The following SNX21 variants were observed in gnomAD, a reference collection of about 807,000 sequenced individuals.
SNX21 encodes the protein sorting nexin-21.
In SNX21, 36 loss-of-function variants were observed where a neutral mutation model predicts 30.9. That is an observed-to-expected ratio of 1.16 (90% confidence interval 0.89 to 1.54). The LOEUF is 1.54. Among genes scored for constraint, SNX21 ranks in the 40% most tolerant of loss-of-function variants. The probability of loss-of-function intolerance (pLI) is 0.00; values close to 1 mark genes in which losing one functional copy is unlikely to be tolerated. For missense variants in SNX21, 508 were observed against 516.5 expected, an observed-to-expected ratio of 0.98 and a Z score of 0.16; for synonymous variants, 218 against 222.7, an observed-to-expected ratio of 0.98 and a Z score of 0.19.
chr20:45,840,031 ACC>A (rs1222848606), intron 3 of SNX21: 1 of 504,496 alleles, frequency 2.0e-6, no homozygotes, highest in African/African-American at 2.1e-5. Context: ...CACTGACTTG[ACC>A]GAGCACTTCC....
chr20:45,839,320 C>T (rs535127194), intron 3 of SNX21, among the ~76,000 whole-genome samples: 4 of 152,078 alleles, frequency 2.6e-5, no homozygotes, highest in South Asian at 2.1e-4. Context: ...TCGAGACCAT[C>T]CTGGCTAACA....
Position 45,835,134 on chromosome 20 carries a change from A to AC in SNX21, c.447+22dup, listed in dbSNP as rs767492266. ...AGTACGTGGTGAGTGAGGGTCTAGAACCCCTGGGCTGTGAGTCCAGAAGTA... is the reference window on the plus strand; with the variant it reads ...AGTACGTGGTGAGTGAGGGTCTAGAACCCCCTGGGCTGTGAGTCCAGAAGTA... On this transcript the variant is annotated intron_variant, in intron 3 of 3. Transcript: ENST00000491381. 23 of 1,599,398 alleles carry AC rather than the reference A, an allele frequency of 1.4e-5. No individual in the cohort carries two copies. The highest frequency in any genetic ancestry group is 5.1e-5 in the Admixed American group (3 of 58,534).
chr20:45,836,549 G>A (rs1412577979), intron 3 of SNX21, among the ~76,000 whole-genome samples: 1 of 148,496 alleles, frequency 6.7e-6, no homozygotes, highest in Non-Finnish European at 1.5e-5. Context: ...TGTCACTCAG[G>A]CTGGAGTGCA....
At chr20:45,840,420 T>C in intron 3 of SNX21, 1 of 1,614,216 alleles carries the variant, frequency 6.2e-7, no homozygotes, top group South Asian at 1.1e-5. Flanking sequence ...TTCTCTCTTC[T>C]TGCTGCCTTG....
Position 45,842,514 on chromosome 20 carries a change from A to C in SNX21, c.*1201A>C. 1 of 1,015,866 alleles carries C rather than the reference A, an allele frequency of 9.8e-7. No homozygotes were observed. Among genetic ancestry groups the C allele is most frequent in the Non-Finnish European group, 1.2e-6 (1 of 848,568 alleles). The allele number at this position is 1,015,866 out of a possible 1,614,324, so 62.9% of individuals were successfully genotyped here. On this transcript the variant is annotated 3_prime_UTR_variant, in exon 4 of 4. Transcript: ENST00000491381. ...CCACTACCACCACCAAGGGGAAGAAAGGACTCAGAAGAGAGGACTTGAGGC... is the reference window on the plus strand; with the variant it reads ...CCACTACCACCACCAAGGGGAAGAACGGACTCAGAAGAGAGGACTTGAGGC...
At position 45,834,291 on chromosome 20, in the gene SNX21, C is replaced by A; in HGVS notation, c.112C>A (p.Gln38Lys). The A allele has an allele frequency of 6.3e-7, 1 of 1,593,294 alleles. No homozygotes were observed. The highest frequency in any genetic ancestry group is 8.5e-7 in the Non-Finnish European group (1 of 1,175,948). ...GGCGGCGGCCAGTCCAGAGGCCGAG[C>A]AGTTTCCGGAGAGCTCAGAGCTGGA... ...GEAAASPEAE[Q>K]FPESSELEDD... Residue 38 changes from glutamine to lysine, a missense_variant, in exon 2 of 4, where the codon CAG becomes AAG. Coordinates refer to ENST00000491381, the MANE Select transcript of SNX21 (RefSeq NM_033421.4).
Position 45,841,700 on chromosome 20 carries a change from G to A in SNX21, c.*387G>A, listed in dbSNP as rs571234709. 22 of 1,432,888 alleles carry A rather than the reference G, an allele frequency of 1.5e-5. No individual in the cohort carries two copies. The African/African-American group carries it at 2.9e-4, about 19-fold the overall frequency. The allele number at this position is 1,432,888 out of a possible 1,614,324, so 88.8% of individuals were successfully genotyped here. The stretch of plus-strand genomic sequence containing the variant: ...AAGGCAAGGCTGCAGGTCTGGCCCA[G>A]GGGAATTAAAAGCCAGCCACTCCAG... On this transcript the variant is annotated 3_prime_UTR_variant, in exon 4 of 4. Transcript: ENST00000491381.
chr20:45,839,281 A>T (rs533393292), intron 3 of SNX21, among the ~76,000 whole-genome samples: 10 of 152,070 alleles, frequency 6.6e-5, no homozygotes, highest in Non-Finnish European at 2.9e-5. Flanking sequence ...TCTGGGAGGC[A>T]AAGGCGGGCG....
chr20:45,839,173 G>C (rs576277879), intron 3 of SNX21, among the ~76,000 whole-genome samples: 26 of 152,122 alleles, frequency 1.7e-4, no homozygotes, highest in Non-Finnish European at 3.7e-4. Flanking sequence ...GATTACAGGT[G>C]TGTGTGTGAG....
chr20:45,839,311 C>T (rs374681507), intron 3 of SNX21, among the ~76,000 whole-genome samples: 29 of 152,126 alleles, frequency 1.9e-4, no homozygotes, highest in South Asian at 6.2e-4. Context: ...GTCAGGAGAT[C>T]GAGACCATCC....
chr20:45,836,042 C>T (rs1601067388), intron 3 of SNX21, among the ~76,000 whole-genome samples: 1 of 152,238 alleles, frequency 6.6e-6, no homozygotes, highest in African/African-American at 2.4e-5. Flanking sequence ...CTCCTCTTCA[C>T]CACCCTTCTC....
At chr20:45,839,721 C>G (rs1001347726) in intron 3 of SNX21, among the ~76,000 whole-genome samples, 3 of 150,870 alleles carry the variant, frequency 2.0e-5, no homozygotes, top group Admixed American at 1.3e-4. Context: ...GAGACCCCCC[C>G]TCATCTCCAT....
At chr20:45,840,296 G>T (rs1364485642) in intron 3 of SNX21, 3 of 1,538,788 alleles carry the variant, frequency 1.9e-6, no homozygotes, top group Non-Finnish European at 2.6e-6. Context: ...ATTGGCTGGG[G>T]TTTCAGCTTA....
At chr20:45,838,251 C>T (rs1310544812) in intron 3 of SNX21, 1 of 150,124 alleles carries the variant, frequency 6.7e-6, no homozygotes, top group Non-Finnish European at 1.5e-5. Flanking sequence ...TTTTCTTTTT[C>T]TTTTTCTTTT....
rs779486632 is a variant in SNX21, at chr20:45,834,971, C to A, written c.302C>A (p.Pro101Gln). Reference sequence around the variant, plus strand: ...CATGTGTCTGCAGAACGGAGCCCCCCACCTGATGGGCAGTGGGGCAGTCAG... The same window carrying A: ...CATGTGTCTGCAGAACGGAGCCCCCAACCTGATGGGCAGTGGGGCAGTCAG... Reference protein sequence around the residue: ...TSGEDAERSPPPDGQWGSQLL... With the variant: ...TSGEDAERSPQPDGQWGSQLL... The change falls in exon 3 of 4, where the codon CCA (proline) becomes CAA (glutamine). Residue 101 changes from proline to glutamine, a missense_variant. Physicochemically the swap from Pro to Gln is moderately conservative, Grantham distance 76. Coordinates refer to ENST00000491381, the MANE Select transcript of SNX21 (RefSeq NM_033421.4). 1 of 1,613,806 alleles carries A rather than the reference C, an allele frequency of 6.2e-7. No individual in the cohort carries two copies. Among genetic ancestry groups the A allele is most frequent in the Non-Finnish European group, 8.5e-7 (1 of 1,179,866 alleles).
chr20:45,835,443 A>G (rs1983450809), intron 3 of SNX21, among the ~76,000 whole-genome samples: 1 of 152,172 alleles, frequency 6.6e-6, no homozygotes, highest in South Asian at 2.1e-4. Context: ...GACAGATGTT[A>G]TCTGGGTCAA....
rs1200494727 is a variant in SNX21, at chr20:45,843,070, T to C, written c.*1757T>C. On this transcript the variant is annotated 3_prime_UTR_variant, in exon 4 of 4. Transcript: ENST00000491381. ...ACTTAGAGAACTTAAAAATACAGTT[T>C]CCTGGACCTTATCCAAGACCTACTG... 6 of 1,160,206 alleles carry C rather than the reference T, an allele frequency of 5.2e-6. No individual in the cohort carries two copies. The highest frequency in any genetic ancestry group is 4.8e-5 in the African/African-American group (3 of 62,034). 71.9% of individuals were successfully genotyped at this position (1,160,206 alleles called of 1,614,324 possible).
chr20:45,834,916 C>T (rs763106573), intron 2 of SNX21, 43 bp from the exon 3 acceptor site: 6 of 1,592,288 alleles, frequency 3.8e-6, no homozygotes, highest in Admixed American at 1.7e-5. Context: ...TGATGTCGAC[C>T]CTGGCCCTAG....
chr20:45,841,102 C>T lies in SNX21; in HGVS notation c.911C>T (p.Ala304Val). 2 of 1,609,508 alleles carry T rather than the reference C, an allele frequency of 1.2e-6. No individual in the cohort carries two copies. Among genetic ancestry groups the T allele is most frequent in the Non-Finnish European group, 1.7e-6 (2 of 1,178,450 alleles). The change falls in exon 4 of 4, where the codon GCA becomes GTA. Residue 304 changes from alanine (A) to valine (V), a missense_variant. Transcript: ENST00000491381. ...CTGGAAGACCCTGGAGAGGCCCGGG[C>T]ATGCTGTGAGAAGGCCCTGCAGCTG... ...QELEDPGEAR[A>V]CCEKALQLLG...
Sources: allele counts gnomAD v4.1 joint callset (sites outside exome capture counted in the v4.1 genomes callset), GRCh38; gene constraint gnomAD v4.1.1; transcripts MANE v1.5; gene names NCBI Gene and HGNC (gene_info 2026-07-23, HGNC 2026-07-21).